Variants in ENOX1 observed in about 807,000 individuals in gnomAD.
The protein encoded by ENOX1 is ecto-NOX disulfide-thiol exchanger 1.
ENOX1 carries 42 observed loss-of-function variants against 82.5 expected under a neutral mutation model. That is an observed-to-expected ratio of 0.51 (90% CI 0.40 to 0.66). The LOEUF (loss-of-function observed/expected upper bound fraction) is 0.66. ENOX1 is among the 30% of genes least tolerant of loss of function. The pLI is 0.00. For missense variants in ENOX1, 608 were observed against 811.6 expected (o/e 0.75, Z 3.05); for synonymous variants, 271 against 282.2 (o/e 0.96, Z 0.40).
chr13:43,285,973 C>T (rs1476365067), intron 12 of ENOX1, among the ~76,000 whole-genome samples: 2 of 152,056 alleles, frequency 1.3e-5, no homozygotes, highest in African/African-American at 4.8e-5. Context: ...AATCCTGTTG[C>T]CTCTCCTAGC....
intron 9 of ENOX1, among the ~76,000 whole-genome samples, chr13:43,342,546 T>C (rs9567155): frequency 0.23 from 34,716 of 152,028 alleles, 4,622 homozygotes; most frequent in East Asian, 0.55. Context: ...ATCTTGCTGG[T>C]CCTGCCCCAC....
At chr13:43,572,484 A>G (rs559311600) in intron 2 of ENOX1, among the ~76,000 whole-genome samples, 1 of 152,204 alleles carries the variant, frequency 6.6e-6, no homozygotes, top group Non-Finnish European at 1.5e-5. Context: ...CAATGAAAAC[A>G]ATGATGATCC....
At chr13:43,217,450 C>T (rs2041547801) in intron 16 of ENOX1, among the ~76,000 whole-genome samples, 2 of 152,118 alleles carry the variant, frequency 1.3e-5, no homozygotes. Flanking sequence ...TGTCTTTTGA[C>T]CTGAGCCTAG....
chr13:43,671,373 A>C (rs2085259511), intron 1 of ENOX1, among the ~76,000 whole-genome samples: 1 of 152,208 alleles, frequency 6.6e-6, no homozygotes, highest in African/African-American at 2.4e-5. Context: ...ACTAGAATGA[A>C]AAGAGGTGCT....
chr13:43,538,701 G>A (rs1166055262), intron 2 of ENOX1, among the ~76,000 whole-genome samples: 1 of 152,110 alleles, frequency 6.6e-6, no homozygotes, highest in Non-Finnish European at 1.5e-5. Context: ...TGTCTGCAAG[G>A]AACTATAATG....
intron 11 of ENOX1, among the ~76,000 whole-genome samples, chr13:43,308,860 C>A (rs946703109): frequency 1.3e-5 from 2 of 152,106 alleles, no homozygotes; most frequent in African/African-American, 4.8e-5. Context: ...CCACAGAATC[C>A]CTTAATTGTT....
intron 11 of ENOX1, among the ~76,000 whole-genome samples, chr13:43,308,865 A>G (rs1358940722): frequency 5.3e-5 from 8 of 152,082 alleles, no homozygotes; most frequent in Non-Finnish European, 8.8e-5. Flanking sequence ...GAATCCCTTA[A>G]TTGTTTATTT....
At chr13:43,536,550 AC>A (rs1253332714) in intron 2 of ENOX1, among the ~76,000 whole-genome samples, 1 of 102,462 alleles carries the variant, frequency 9.8e-6, no homozygotes, top group Non-Finnish European at 2.0e-5. Context: ...AGGGAGTTTC[AC>A]TTAAAAAAAA....
chr13:43,497,970 A>C (rs1219962188), intron 2 of ENOX1, among the ~76,000 whole-genome samples: 1 of 152,116 alleles, frequency 6.6e-6, no homozygotes, highest in Non-Finnish European at 1.5e-5. Flanking sequence ...TATCTTATAA[A>C]AAAAACTTGT....
chr13:43,609,960 T>C (rs557633413), intron 2 of ENOX1: 148 of 940,592 alleles, frequency 1.6e-4, no homozygotes, highest in Non-Finnish European at 1.8e-4. Flanking sequence ...GTTCCAAACA[T>C]TTTTAGAGTT....
At position 43,343,279 on chromosome 13, in the gene ENOX1, T is replaced by TAA. The variant is rs544688922; in HGVS notation, c.1036+1257_1036+1258dup. Among the ~76,000 whole-genome samples the TAA allele has an allele frequency of 2.4e-4, 36 of 152,364 alleles. 1 individual carries two copies. The South Asian group carries it at 6.8e-3, about 29-fold the overall frequency. On this transcript the variant is annotated intron_variant, in intron 9 of 16. Coordinates refer to ENST00000690772, the MANE Select transcript of ENOX1 (RefSeq NM_001347969.2). ...AAAAACTGCTGTAAATATTGCTTTT[T>TAA]AAAAATTCTATCCCTAATAACCTTA...
chr13:43,466,591 T>C (rs1257927366), intron 3 of ENOX1, among the ~76,000 whole-genome samples: 2 of 152,214 alleles, frequency 1.3e-5, no homozygotes, highest in Admixed American at 6.5e-5. Context: ...CTATCAGAAC[T>C]AGTAAGTAGA....
chr13:43,414,509 C>T (rs2054325417), intron 3 of ENOX1, among the ~76,000 whole-genome samples: 1 of 152,152 alleles, frequency 6.6e-6, no homozygotes, highest in Non-Finnish European at 1.5e-5. Context: ...GAGATTCTCA[C>T]CATAGAAAAT....
intron 2 of ENOX1, among the ~76,000 whole-genome samples, chr13:43,595,981 C>A (rs748123466): frequency 2.0e-5 from 3 of 152,090 alleles, no homozygotes; most frequent in Non-Finnish European, 2.9e-5. Context: ...AAAATGTGTG[C>A]AAGTAACGCA....
chr13:43,531,892 A>G (rs7490009), intron 2 of ENOX1, among the ~76,000 whole-genome samples: 144,316 of 147,796 alleles, frequency 0.98, 70,566 homozygotes, highest in East Asian at 1. Flanking sequence ...CACAGACACA[A>G]GAAGGGGAAC....
chr13:43,418,672 C>T (rs1466578313), intron 3 of ENOX1, among the ~76,000 whole-genome samples: 2 of 152,304 alleles, frequency 1.3e-5, no homozygotes, highest in East Asian at 1.9e-4. Flanking sequence ...TTTCTACTTA[C>T]AGCTTTAATG....
intron 5 of ENOX1, among the ~76,000 whole-genome samples, chr13:43,368,286 A>G (rs2050983396): frequency 6.6e-6 from 1 of 152,208 alleles, no homozygotes; most frequent in African/African-American, 2.4e-5. Flanking sequence ...CGCTGGCAGA[A>G]CTGAGGAATG....
intron 2 of ENOX1, among the ~76,000 whole-genome samples, chr13:43,541,095 T>C (rs571453209): frequency 6.6e-6 from 1 of 151,024 alleles, no homozygotes; most frequent in South Asian, 2.1e-4. Context: ...ATTTCTGTTC[T>C]TTAATATTTA....
At chr13:43,583,438 C>T (rs538099918) in intron 2 of ENOX1, among the ~76,000 whole-genome samples, 4 of 152,184 alleles carry the variant, frequency 2.6e-5, no homozygotes, top group Non-Finnish European at 5.9e-5. Context: ...GTTTTCTCTT[C>T]CACATTAATC....
Sources: allele counts gnomAD v4.1 joint callset (sites outside exome capture counted in the v4.1 genomes callset), GRCh38; gene constraint gnomAD v4.1.1; transcripts MANE v1.5; gene names NCBI Gene and HGNC (gene_info 2026-07-23, HGNC 2026-07-21).